LRP6: variants seen among roughly 807,000 people sequenced by gnomAD.
LRP6 encodes LDL receptor related protein 6, also known as low-density lipoprotein receptor-related protein 6.
In LRP6, 43 loss-of-function variants were observed where a neutral mutation model predicts 184.1. That is an observed-to-expected ratio of 0.23 (90% confidence interval 0.18 to 0.30). The LOEUF is 0.30. Among genes scored for constraint, LRP6 ranks in the 10% least tolerant of loss-of-function variants. The probability of loss-of-function intolerance (pLI) is 1.00; values close to 1 mark genes in which losing one functional copy is unlikely to be tolerated. For synonymous variants in LRP6, 719 were observed against 684.9 expected (o/e 1.05, Z -0.78); for missense variants, 1,571 against 2,005.3 (o/e 0.78, Z 4.14).
chr12:12,224,231 A>C (rs1385484661), intron 2 of LRP6, among the ~76,000 whole-genome samples: 2 of 152,210 alleles, frequency 1.3e-5, no homozygotes, highest in Non-Finnish European at 2.9e-5. Flanking sequence ...TTCTGCTATA[A>C]AGTGCTATGG....
intron 5 of LRP6, 97 bp downstream of exon 5, chr12:12,183,883 C>T (rs1361204910): frequency 8.9e-7 from 1 of 1,122,426 alleles, no homozygotes; most frequent in East Asian, 2.4e-5. Context: ...ACTGGTCTCC[C>T]AAAGCAGTAT....
intron 2 of LRP6, among the ~76,000 whole-genome samples, chr12:12,206,325 G>A (rs999673657): frequency 4.0e-5 from 6 of 151,372 alleles, no homozygotes; most frequent in African/African-American, 1.5e-4. Flanking sequence ...GGCAGATCAC[G>A]AGGTCAGGAG....
At chr12:12,128,425 A>G (rs1448236262) in intron 19 of LRP6, among the ~76,000 whole-genome samples, 1 of 152,188 alleles carries the variant, frequency 6.6e-6, no homozygotes, top group Non-Finnish European at 1.5e-5. Flanking sequence ...GATTCTATCT[A>G]CTGTCACAGC....
At chr12:12,209,004 A>G (rs140879184) in intron 2 of LRP6, among the ~76,000 whole-genome samples, 1 of 152,332 alleles carries the variant, frequency 6.6e-6, no homozygotes, top group East Asian at 1.9e-4. Flanking sequence ...GAAAACTACC[A>G]GTATCTTTAA....
At chr12:12,215,988 G>T (rs555802460) in intron 2 of LRP6, among the ~76,000 whole-genome samples, 5 of 151,980 alleles carry the variant, frequency 3.3e-5, no homozygotes, top group Non-Finnish European at 7.4e-5. Flanking sequence ...CTCTAGCCTG[G>T]GCGACAAGAG....
chr12:12,120,834 T>C lies in LRP6; in HGVS notation c.*292A>G, dbSNP rs1208153699. On this transcript the variant is annotated 3_prime_UTR_variant, in exon 23 of 23. Transcript: ENST00000261349. Reference sequence around the variant, plus strand: ...TTTCCTTTGTACTCAGTTGCTTCACTGGGTTTAAGGCATGCTTTGTGTATT... The same window carrying C: ...TTTCCTTTGTACTCAGTTGCTTCACCGGGTTTAAGGCATGCTTTGTGTATT... 4.4e-6 allele frequency: 1 copy of C among 227,812 alleles called. No homozygotes were observed. Among genetic ancestry groups the C allele is most frequent in the Admixed American group, 5.1e-5 (1 of 19,522 alleles). The allele number at this position is 227,812 out of a possible 1,614,324, so 14.1% of individuals were successfully genotyped here.
At chr12:12,245,034 T>C (rs2135918805) in intron 1 of LRP6, among the ~76,000 whole-genome samples, 1 of 152,330 alleles carries the variant, frequency 6.6e-6, no homozygotes, top group East Asian at 1.9e-4. Context: ...CCTAAAAGGT[T>C]AAACATACAA....
At chr12:12,169,254 T>TA (rs964820911) in intron 7 of LRP6, among the ~76,000 whole-genome samples, 3 of 151,322 alleles carry the variant, frequency 2.0e-5, no homozygotes, top group Non-Finnish European at 2.9e-5. Flanking sequence ...ATAATAATAA[T>TA]AATAAATAAA....
intron 2 of LRP6, among the ~76,000 whole-genome samples, chr12:12,220,565 T>G (rs1864460348): frequency 6.6e-6 from 1 of 151,902 alleles, no homozygotes; most frequent in African/African-American, 2.4e-5. Context: ...TTTCTATTAT[T>G]TAAGACTATG....
Position 12,183,983 on chromosome 12 carries a change from C to T in LRP6, c.973G>A (p.Asp325Asn), listed in dbSNP as rs750201437. The T allele has an allele frequency of 6.2e-7, 1 of 1,613,234 alleles. No individual in the cohort carries two copies. Among genetic ancestry groups the T allele is most frequent in the Non-Finnish European group, 8.5e-7 (1 of 1,179,260 alleles). The change falls in exon 5 of 23, where the codon GAT becomes AAT. Residue 325 changes from aspartate to asparagine, a missense_variant. Asp to Asn is a conservative substitution (Grantham distance 23). Around this residue, in one of 4 missense-constraint regions of LRP6, gnomAD observed 640 missense variants for 851.9 expected, o/e 0.75. Transcript: ENST00000261349. Reference sequence around the variant, plus strand: ...ATTTTGGATAATATCTTCTTACCATCTTTGCAGGTTTTTCCATTCTCCAGG... The same window carrying T: ...ATTTTGGATAATATCTTCTTACCATTTTTGCAGGTTTTTCCATTCTCCAGG... ...KLLENGKTCK[D>N]GATELLLLAR...
At chr12:12,231,040 G>A (rs976108688) in intron 2 of LRP6, among the ~76,000 whole-genome samples, 3 of 151,810 alleles carry the variant, frequency 2.0e-5, no homozygotes, top group Non-Finnish European at 4.4e-5. Context: ...AATTAGCCGG[G>A]TGTGATGGCA....
intron 2 of LRP6, among the ~76,000 whole-genome samples, chr12:12,231,810 T>C (rs1373299876): frequency 6.6e-6 from 1 of 151,752 alleles, no homozygotes; most frequent in Admixed American, 6.6e-5. Context: ...AGCCCAGGAA[T>C]TCAAGTCCAT....
At chr12:12,263,626 T>G (rs1865682991) in intron 1 of LRP6, among the ~76,000 whole-genome samples, 1 of 151,468 alleles carries the variant, frequency 6.6e-6, no homozygotes, top group East Asian at 1.9e-4. Context: ...GAGGATCACT[T>G]GAGCCCAGGA....
rs1478797820 is a variant in LRP6, at chr12:12,203,200, T to C, written c.647+3A>G. 1 of 1,594,588 alleles carries C rather than the reference T, an allele frequency of 6.3e-7. No homozygotes were observed. Among genetic ancestry groups the C allele is most frequent in the Admixed American group, 1.8e-5 (1 of 55,704 alleles). ...AAGTTTTTTCTAATTCTTGTAATCT[T>C]ACCGATTTGTTCCATCCAGATTTGA... On this transcript the variant is annotated splice_donor_region_variant and intron_variant, in intron 3 of 22. Coordinates refer to ENST00000261349, the MANE Select transcript of LRP6 (RefSeq NM_002336.3).
intron 1 of LRP6, among the ~76,000 whole-genome samples, chr12:12,256,525 T>C (rs939270239): frequency 1.4e-5 from 2 of 144,332 alleles, no homozygotes; most frequent in African/African-American, 2.6e-5. Context: ...CAAACAAACA[T>C]AGGCCAGAGT....
intron 7 of LRP6, among the ~76,000 whole-genome samples, chr12:12,167,263 A>G (rs1862903622): frequency 6.6e-6 from 1 of 152,198 alleles, no homozygotes. Flanking sequence ...CATGATCAGC[A>G]AACAGTATTG....
At position 12,120,056 on chromosome 12, in the gene LRP6, CTG is replaced by C. The variant is rs1277845984; in HGVS notation, c.*1068_*1069del. 1 of 108,986 alleles carries C rather than the reference CTG, an allele frequency of 9.2e-6. No individual in the cohort carries two copies. Among genetic ancestry groups the C allele is most frequent in the Non-Finnish European group, 1.8e-5 (1 of 56,878 alleles). 6.8% of individuals were successfully genotyped at this position (108,986 alleles called of 1,614,324 possible). A position where few individuals can be genotyped will look rare whatever the true frequency, so the allele number is the denominator to read the frequency against. On this transcript the variant is annotated 3_prime_UTR_variant, in exon 23 of 23. Transcript: ENST00000261349. ...ATATATATATATAAATGATTTCGTACTGTGATATATGCTGAAAGTAGTGCAAG... is the reference window on the plus strand; with the variant it reads ...ATATATATATATAAATGATTTCGTACTGATATATGCTGAAAGTAGTGCAAG...
At chr12:12,169,605 G>A (rs776980372) in intron 7 of LRP6, among the ~76,000 whole-genome samples, 1 of 152,116 alleles carries the variant, frequency 6.6e-6, no homozygotes, top group Non-Finnish European at 1.5e-5. Context: ...GCTCAACAAA[G>A]GTATTAACAA....
chr12:12,259,625 C>G (rs1211461203), intron 1 of LRP6, among the ~76,000 whole-genome samples: 3 of 152,172 alleles, frequency 2.0e-5, no homozygotes, highest in Non-Finnish European at 2.9e-5. Flanking sequence ...CAAACACGAA[C>G]AGCTTGAGAA....
Sources: allele counts gnomAD v4.1 joint callset (sites outside exome capture counted in the v4.1 genomes callset), GRCh38; gene constraint gnomAD v4.1.1; regional missense constraint gnomAD v4.1.1; transcripts MANE v1.5; gene names NCBI Gene and HGNC (gene_info 2026-07-23, HGNC 2026-07-21).